IL23R: variants seen among roughly 807,000 people sequenced by gnomAD.
The protein encoded by IL23R is interleukin 23 receptor, also known as interleukin-23 receptor.
A neutral mutation model predicts 56.9 loss-of-function variants in IL23R; 34 were observed. That is an observed-to-expected ratio of 0.60 (90% CI 0.45 to 0.80). IL23R has a LOEUF of 0.80. IL23R is among the 30% of genes least tolerant of loss of function. The pLI is 0.00. For missense variants in IL23R, 635 were observed against 730.0 expected (o/e 0.87, Z 1.50); for synonymous variants, 230 against 249.2 (o/e 0.92, Z 0.73).
intron 4 of IL23R, among the ~76,000 whole-genome samples, chr1:67,186,220 G>A (rs1398742822): frequency 5.3e-5 from 8 of 152,230 alleles, no homozygotes; most frequent in Non-Finnish European, 1.5e-5. Context: ...GGCAGTGCCA[G>A]ATTGACAGAG....
At chr1:67,225,475 A>T (rs1269745944) in intron 7 of IL23R, among the ~76,000 whole-genome samples, 6 of 151,668 alleles carry the variant, frequency 4.0e-5, no homozygotes, top group Non-Finnish European at 5.9e-5. Context: ...ACTGTTTCTC[A>T]TAGTAGGGTC....
intron 6 of IL23R, among the ~76,000 whole-genome samples, chr1:67,215,616 G>A (rs699239): frequency 0.8 from 122,175 of 152,212 alleles, 49,672 homozygotes; most frequent in East Asian, 0.97. Flanking sequence ...GCCAGGATAT[G>A]GGGCTGGGAA....
chr1:67,189,076 A>G (rs1045914888), intron 4 of IL23R, among the ~76,000 whole-genome samples: 1 of 152,048 alleles, frequency 6.6e-6, no homozygotes, highest in African/African-American at 2.4e-5. Context: ...AAGTAATACA[A>G]TAATTTTGGA....
intron 5 of IL23R, among the ~76,000 whole-genome samples, chr1:67,202,336 G>C (rs1258485059): frequency 6.6e-6 from 1 of 152,086 alleles, no homozygotes; most frequent in African/African-American, 2.4e-5. Context: ...CTAGTAACTG[G>C]GACTACAGGT....
chr1:67,171,771 G>A (rs2102560065), intron 3 of IL23R, among the ~76,000 whole-genome samples: 1 of 152,276 alleles, frequency 6.6e-6, no homozygotes, highest in African/African-American at 2.4e-5. Context: ...TAGTGCAGGA[G>A]CTCAGTCCAA....
chr1:67,197,791 C>G (rs1347743786), intron 4 of IL23R, among the ~76,000 whole-genome samples: 1 of 151,978 alleles, frequency 6.6e-6, no homozygotes, highest in Non-Finnish European at 1.5e-5. Flanking sequence ...AAAAAATTAG[C>G]TGAGAGTGGT....
chr1:67,217,107 A>G (rs949798653), intron 6 of IL23R, among the ~76,000 whole-genome samples: 2 of 152,162 alleles, frequency 1.3e-5, no homozygotes, highest in Non-Finnish European at 2.9e-5. Context: ...TCTTCCCTCC[A>G]CCCAAGGATG....
intron 4 of IL23R, among the ~76,000 whole-genome samples, chr1:67,186,784 G>A (rs1237591512): frequency 6.6e-6 from 1 of 151,958 alleles, no homozygotes; most frequent in African/African-American, 2.4e-5. Flanking sequence ...ACGCCCAGCT[G>A]ATTTTTTTTG....
At chr1:67,254,124 A>G (rs1652809454) in intron 9 of IL23R, among the ~76,000 whole-genome samples, 1 of 152,012 alleles carries the variant, frequency 6.6e-6, no homozygotes, top group African/African-American at 2.4e-5. Context: ...ACTGGAGTGC[A>G]GTGGTGCAAT....
chr1:67,212,740 T>C (rs909116402), intron 6 of IL23R, among the ~76,000 whole-genome samples: 5 of 151,984 alleles, frequency 3.3e-5, no homozygotes, highest in Non-Finnish European at 5.9e-5. Context: ...AGAGACAGGG[T>C]TGTGTCATGT....
chr1:67,154,075 A>C (rs991165842), intron 1 of IL23R, among the ~76,000 whole-genome samples: 6 of 152,108 alleles, frequency 3.9e-5, no homozygotes, highest in African/African-American at 1.2e-4. Context: ...GCCTTGAGTA[A>C]GTTTCTTAAT....
At position 67,182,820 on chromosome 1, in the gene IL23R, T is replaced by C. The variant is rs111740171; in HGVS notation, c.368-16T>C. On this transcript the variant is annotated splice_polypyrimidine_tract_variant and intron_variant, in intron 3 of 10. Transcript: ENST00000347310. ...TATTTCTTACAGCACCTCCTAAGTG[T>C]TATGTTTTGTTGCAGATCCGCCAGA... 14 of 1,613,820 alleles carry C rather than the reference T, an allele frequency of 8.7e-6. No homozygotes were observed. In the African/African-American group the frequency reaches 1.7e-4, roughly 20 times the overall value.
At chr1:67,222,980 G>A (rs1650397260) in intron 7 of IL23R, among the ~76,000 whole-genome samples, 2 of 152,184 alleles carry the variant, frequency 1.3e-5, no homozygotes, top group African/African-American at 4.8e-5. Flanking sequence ...TTGGCGAGGT[G>A]TGGTGGCTCA....
chr1:67,189,289 T>G (rs1386102196), intron 4 of IL23R, among the ~76,000 whole-genome samples: 1 of 152,190 alleles, frequency 6.6e-6, no homozygotes, highest in East Asian at 1.9e-4. Flanking sequence ...TGAGTAATTA[T>G]TCTAGTTGAT....
rs150069092 is a variant in IL23R at position 67,227,939 on chromosome 1, G to A, written c.955+8209G>A. On this transcript the variant is annotated intron_variant, in intron 7 of 10. Transcript: ENST00000347310. ...TTGCAACCTATTACTACAGAACAAAGATCTTTCTTTCTTTCTTTCTTTCTT... is the reference window on the plus strand; with the variant it reads ...TTGCAACCTATTACTACAGAACAAAAATCTTTCTTTCTTTCTTTCTTTCTT... 3.7e-3 allele frequency among the ~76,000 whole-genome samples: 236 copies of A among 63,644 alleles called. 13 individuals are homozygous for A. The highest frequency in any genetic ancestry group is 0.011 in the African/African-American group (219 of 19,164). 41.8% of individuals were successfully genotyped at this position (63,644 alleles called of 152,430 possible).
intron 6 of IL23R, among the ~76,000 whole-genome samples, chr1:67,210,469 G>GTTT (rs552762815): frequency 6.8e-6 from 1 of 146,992 alleles, no homozygotes; most frequent in African/African-American, 2.5e-5. Flanking sequence ...CTTTTTTAAG[G>GTTT]TTTTTTTTTT....
chr1:67,218,358 G>GTATATATATATATA (rs1270428311), intron 6 of IL23R, among the ~76,000 whole-genome samples: 1 of 137,858 alleles, frequency 7.3e-6, no homozygotes, highest in African/African-American at 2.8e-5. Flanking sequence ...GTGTGTGTGT[G>GTATATATATATATA]TATATATATA....
At chr1:67,187,189 T>A (rs1160337385) in intron 4 of IL23R, among the ~76,000 whole-genome samples, 3 of 152,224 alleles carry the variant, frequency 2.0e-5, no homozygotes, top group Admixed American at 6.5e-5. Context: ...CCATTTTACA[T>A]TCCCAACAAC....
chr1:67,225,476 T>G (rs981274431), intron 7 of IL23R, among the ~76,000 whole-genome samples: 1 of 151,690 alleles, frequency 6.6e-6, no homozygotes, highest in Non-Finnish European at 1.5e-5. Context: ...CTGTTTCTCA[T>G]AGTAGGGTCT....
Sources: gnomAD v4.1 joint callset for allele counts (sites outside exome capture counted in the v4.1 genomes callset) on GRCh38, gnomAD v4.1.1 for gene constraint, MANE v1.5 for transcripts, NCBI Gene and HGNC (gene_info 2026-07-23, HGNC 2026-07-21) for gene names.